MYRFL: variants seen among roughly 807,000 people sequenced by gnomAD.
MYRFL encodes the protein myelin regulatory factor-like protein.
Under a neutral mutation model 109.4 loss-of-function variants are expected in MYRFL, and 88 were observed. That is an observed-to-expected ratio of 0.80 (90% confidence interval 0.68 to 0.96). The LOEUF is 0.96. MYRFL is among the 40% of genes least tolerant of loss of function. The pLI is 0.00. For missense variants in MYRFL, 957 were observed against 954.9 expected, an observed-to-expected ratio of 1.00 and a Z score of -0.03; for synonymous variants, 324 against 320.9, an observed-to-expected ratio of 1.01 and a Z score of -0.10.
intron 15 of MYRFL, among the ~76,000 whole-genome samples, chr12:69,931,133 T>C (rs1189616127): frequency 2.6e-5 from 4 of 152,210 alleles, no homozygotes; most frequent in Non-Finnish European, 5.9e-5. Context: ...CTCCAGGTCT[T>C]AGGCCATTTC....
chr12:69,852,645 G>C (rs1883951859), intron 1 of MYRFL, among the ~76,000 whole-genome samples: 1 of 132,372 alleles, frequency 7.6e-6, no homozygotes, highest in African/African-American at 2.8e-5. Flanking sequence ...AGGGGGATTT[G>C]GCAGGGTCAT....
At chr12:69,916,843 A>C (rs762716234) in intron 13 of MYRFL, among the ~76,000 whole-genome samples, 1 of 152,228 alleles carries the variant, frequency 6.6e-6, no homozygotes, top group Non-Finnish European at 1.5e-5. Context: ...TTTCTCAAAT[A>C]AGCTGGGCCC....
intron 1 of MYRFL, among the ~76,000 whole-genome samples, chr12:69,853,417 C>A (rs185789635): frequency 4.1e-5 from 6 of 144,974 alleles, no homozygotes; most frequent in African/African-American, 7.8e-5. Context: ...CGGGCAGAGA[C>A]GCTCCTCACC....
chr12:69,853,258 GC>G (rs1361762606), intron 1 of MYRFL, among the ~76,000 whole-genome samples: 6 of 150,988 alleles, frequency 4.0e-5, no homozygotes, highest in Non-Finnish European at 5.9e-5. Context: ...CCGGGCAGGG[GC>G]TGCCCCCCAT....
At chr12:69,842,912 C>T (rs1041300341) in intron 1 of MYRFL, among the ~76,000 whole-genome samples, 2 of 152,218 alleles carry the variant, frequency 1.3e-5, no homozygotes, top group Non-Finnish European at 2.9e-5. Flanking sequence ...GTCCCTCTCA[C>T]TGGACCGTGA....
intron 2 of MYRFL, among the ~76,000 whole-genome samples, chr12:69,869,099 T>A (rs1885191555): frequency 6.6e-6 from 1 of 152,166 alleles, no homozygotes; most frequent in Non-Finnish European, 1.5e-5. Flanking sequence ...TTGGAGGAAA[T>A]ACTTTAAATA....
chr12:69,854,467 T>C (rs906820248), intron 1 of MYRFL, among the ~76,000 whole-genome samples: 3 of 151,854 alleles, frequency 2.0e-5, no homozygotes, highest in Admixed American at 1.3e-4. Context: ...CACTGCAACC[T>C]TTGCCTCCTG....
In MYRFL at chr12:69,825,341, AAACTC is replaced by A. The variant is rs1275560710; in HGVS notation, c.-173_-169del. On this transcript the variant is annotated 5_prime_UTR_variant, in exon 1 of 25. It removes the in-frame stop codon of an upstream open reading frame in the 5' UTR. Coordinates refer to ENST00000552032, the MANE Select transcript of MYRFL (RefSeq NM_182530.3). Reference sequence around the variant, plus strand: ...CTTCCAGTTTTATAATCACATTTGAAAACTCAACCATCTTTCTGGGCACAATTTGA... The same window carrying A: ...CTTCCAGTTTTATAATCACATTTGAAAACCATCTTTCTGGGCACAATTTGA... 1.4e-6 allele frequency: 1 copy of A among 697,122 alleles called. No individual in the cohort carries two copies. Among genetic ancestry groups the A allele is most frequent in the African/African-American group, 1.8e-5 (1 of 57,058 alleles). 43.2% of individuals were successfully genotyped at this position (697,122 alleles called of 1,614,324 possible). A position where few individuals can be genotyped will look rare whatever the true frequency, so the allele number is the denominator to read the frequency against.
intron 13 of MYRFL, 22 bp downstream of exon 13, chr12:69,910,952 G>GAGAA: frequency 3.4e-6 from 5 of 1,479,684 alleles, no homozygotes; most frequent in Admixed American, 2.0e-5. Context: ...AAAGATATCA[G>GAGAA]CTGCTATAAG....
chr12:69,858,436 T>C (rs1884431965), intron 2 of MYRFL, among the ~76,000 whole-genome samples: 1 of 152,044 alleles, frequency 6.6e-6, no homozygotes, highest in Non-Finnish European at 1.5e-5. Flanking sequence ...TATTTCTTGC[T>C]TAAATGTTTG....
intron 2 of MYRFL, among the ~76,000 whole-genome samples, chr12:69,871,366 ACTACAGGCACCTACCACCATGC>A (rs1885342584): frequency 6.6e-6 from 1 of 151,706 alleles, no homozygotes; most frequent in Non-Finnish European, 1.5e-5. Context: ...AGTAGCTGGA[ACTACAGGCACCTACCACCATGC>A]CCGGCTAATT....
rs527308463 is a variant in MYRFL at position 69,914,430 on chromosome 12, G to C, written c.1602+3500G>C. Among the ~76,000 whole-genome samples, 6 of 152,290 alleles carry C rather than the reference G, an allele frequency of 3.9e-5. 1 individual carries two copies. The South Asian group carries it at 6.2e-4, about 16-fold the overall frequency. On this transcript the variant is annotated intron_variant, in intron 13 of 24. Transcript: ENST00000552032. ...ATGTCAGCAAGCTGCCAAGGTGGGG[G>C]CTTATGGGGTTACCCTCTGGAAGCA...
intron 5 of MYRFL, among the ~76,000 whole-genome samples, chr12:69,883,595 G>A (rs1886260050): frequency 6.6e-6 from 1 of 151,988 alleles, no homozygotes; most frequent in South Asian, 2.1e-4. Context: ...AGGGATGGTG[G>A]CTCATGCCTG....
intron 2 of MYRFL, among the ~76,000 whole-genome samples, chr12:69,878,773 G>A (rs936132800): frequency 1.2e-4 from 18 of 152,076 alleles, no homozygotes; most frequent in Non-Finnish European, 1.9e-4. Context: ...TGGAGGCCTG[G>A]AGAGGTTACG....
chr12:69,853,092 G>A (rs545693859), intron 1 of MYRFL, among the ~76,000 whole-genome samples: 1 of 152,364 alleles, frequency 6.6e-6, no homozygotes, highest in South Asian at 2.1e-4. Flanking sequence ...TTCTCAATGA[G>A]CTGTTGGGTA....
intron 7 of MYRFL, among the ~76,000 whole-genome samples, chr12:69,891,674 TTTCTTTCTTTCGTTCGTTCG>T (rs1566002699): frequency 1.7e-5 from 2 of 116,366 alleles, no homozygotes; most frequent in African/African-American, 7.4e-5. Context: ...TCTTTCTTTC[TTTCTTTCTTTCGTTCGTTCG>T]TTCTTTCTTT....
rs60637559 is a variant in MYRFL at position 69,893,989 on chromosome 12, ATTTTTTTTTTTTTT to A, written c.980+160_980+173del. The stretch of plus-strand genomic sequence containing the variant: ...CATAGAATCCAAATTAATAATGTTA[ATTTTTTTTTTTTTT>A]TTTTTTTTTTGAGAAAGAATTTTGC... On this transcript the variant is annotated intron_variant, in intron 8 of 24. Coordinates refer to ENST00000552032, the MANE Select transcript of MYRFL (RefSeq NM_182530.3). 374 of 113,190 alleles carry A rather than the reference ATTTTTTTTTTTTTT, an allele frequency of 3.3e-3. 1 individual carries two copies. Among genetic ancestry groups the A allele is most frequent in the African/African-American group, 0.015 (364 of 24,048 alleles). 7.0% of individuals were successfully genotyped at this position (113,190 alleles called of 1,614,324 possible).
intron 7 of MYRFL, among the ~76,000 whole-genome samples, chr12:69,891,433 G>A (rs1038315396): frequency 3.3e-5 from 5 of 152,148 alleles, no homozygotes; most frequent in Non-Finnish European, 2.9e-5. Context: ...GCTCAAATGG[G>A]GCTCTAACTG....
chr12:69,936,092 T>C, intron 16 of MYRFL, 21 bp from the exon 17 acceptor site: 1 of 1,399,274 alleles, frequency 7.1e-7, no homozygotes. Context: ...TTTTTTTTTT[T>C]TTTTTTTTTT....
Sources: allele counts gnomAD v4.1 joint callset (sites outside exome capture counted in the v4.1 genomes callset), GRCh38; gene constraint gnomAD v4.1.1; transcripts MANE v1.5; gene names NCBI Gene and HGNC (gene_info 2026-07-23, HGNC 2026-07-21).